The following EXT1 variants were observed in gnomAD, a reference collection of about 807,000 sequenced individuals.
EXT1 encodes exostosin-1.
A neutral mutation model predicts 82.5 loss-of-function variants in EXT1; 20 were observed. That is an observed-to-expected ratio of 0.24 (90% CI 0.17 to 0.35). The LOEUF (loss-of-function observed/expected upper bound fraction) is 0.35. EXT1 is among the 10% of genes least tolerant of loss of function. The pLI is 1.00. For synonymous variants in EXT1, 348 were observed against 350.8 expected (o/e 0.99, Z 0.09); for missense variants, 757 against 936.5 (o/e 0.81, Z 2.50).
chr8:117,892,964 A>G (rs1004363435), intron 1 of EXT1, among the ~76,000 whole-genome samples: 1 of 152,234 alleles, frequency 6.6e-6, no homozygotes, highest in African/African-American at 2.4e-5. Flanking sequence ...ACAGAAATCA[A>G]GAACTTGGTT....
chr8:117,902,167 C>A (rs550973679), intron 1 of EXT1, among the ~76,000 whole-genome samples: 1 of 151,992 alleles, frequency 6.6e-6, no homozygotes, highest in African/African-American at 2.4e-5. Context: ...GACAATAACA[C>A]GCATGGAGCT....
At chr8:117,848,078 G>C (rs1812394358) in intron 1 of EXT1, among the ~76,000 whole-genome samples, 1 of 152,134 alleles carries the variant, frequency 6.6e-6, no homozygotes, top group Non-Finnish European at 1.5e-5. Context: ...GGCTGATATA[G>C]CACATTCACA....
intron 1 of EXT1, among the ~76,000 whole-genome samples, chr8:117,897,250 C>T (rs952262170): frequency 1.2e-4 from 19 of 152,230 alleles, no homozygotes; most frequent in African/African-American, 2.4e-5. Flanking sequence ...TCCAGCAGGG[C>T]ACAGAGCGTG....
chr8:117,924,717 T>C (rs1003434775), intron 1 of EXT1, among the ~76,000 whole-genome samples: 1 of 152,206 alleles, frequency 6.6e-6, no homozygotes, highest in African/African-American at 2.4e-5. Context: ...TGGTCCAGTA[T>C]AGTTTGGAAA....
intron 1 of EXT1, among the ~76,000 whole-genome samples, chr8:117,891,876 G>A (rs547117314): frequency 7.8e-5 from 11 of 141,810 alleles, no homozygotes; most frequent in African/African-American, 2.1e-4. Context: ...GCACGATCTC[G>A]GCTCACTGCT....
At chr8:118,071,538 G>T (rs961895170) in intron 1 of EXT1, among the ~76,000 whole-genome samples, 1 of 151,702 alleles carries the variant, frequency 6.6e-6, no homozygotes, top group Non-Finnish European at 1.5e-5. Flanking sequence ...GGGCAGGGGT[G>T]GGGGAGGAGT....
intron 1 of EXT1, among the ~76,000 whole-genome samples, chr8:117,882,441 T>G (rs1762127647): frequency 6.6e-6 from 1 of 152,180 alleles, no homozygotes; most frequent in Non-Finnish European, 1.5e-5. Context: ...TTGAGAGGTG[T>G]CTAGCAGTCC....
rs17476135 is a variant in EXT1, at chr8:117,976,099, A to G, written c.962+133986T>C. 4.1e-3 allele frequency among the ~76,000 whole-genome samples: 627 copies of G among 152,356 alleles called. 5 individuals carry two copies. Among genetic ancestry groups the G allele is most frequent in the African/African-American group, 0.014 (590 of 41,594 alleles). On this transcript the variant is annotated intron_variant, in intron 1 of 10. Coordinates refer to ENST00000378204, the MANE Select transcript of EXT1 (RefSeq NM_000127.3). ...CATTTATCTCAGAATAAAGAACTTAAGCAAATGTACACATGAGCTATTTAG... is the reference window on the plus strand; with the variant it reads ...CATTTATCTCAGAATAAAGAACTTAGGCAAATGTACACATGAGCTATTTAG...
rs28357264 is a variant in EXT1, at chr8:117,879,332, G to A, written c.963-42131C>T. On this transcript the variant is annotated intron_variant, in intron 1 of 10. Coordinates refer to ENST00000378204, the MANE Select transcript of EXT1 (RefSeq NM_000127.3). ...TCCCCAGACCAGTAGCACACAGAAC[G>A]TAAAGTGAAACAAAAACAGAGCCTG... Among the ~76,000 whole-genome samples the A allele has an allele frequency of 1.7e-3, 252 of 152,002 alleles. 1 individual carries two copies. The East Asian group carries it at 0.02, about 12-fold the overall frequency.
intron 1 of EXT1, among the ~76,000 whole-genome samples, chr8:117,926,060 A>G (rs925517603): frequency 6.6e-6 from 1 of 152,254 alleles, no homozygotes; most frequent in Non-Finnish European, 1.5e-5. Context: ...TCAAGTCCAT[A>G]GAAGAGACCG....
chr8:117,847,198 T>C (rs939123814), intron 1 of EXT1, among the ~76,000 whole-genome samples: 3 of 152,168 alleles, frequency 2.0e-5, no homozygotes, highest in Non-Finnish European at 4.4e-5. Flanking sequence ...AGCAAGAAGA[T>C]AACAAAGATA....
intron 1 of EXT1, among the ~76,000 whole-genome samples, chr8:117,918,020 G>C (rs1813787360): frequency 6.6e-6 from 1 of 152,110 alleles, no homozygotes; most frequent in African/African-American, 2.4e-5. Flanking sequence ...GGGGAGTCCT[G>C]TGCCTTTTCC....
chr8:118,011,785 C>T (rs1367862166), intron 1 of EXT1, among the ~76,000 whole-genome samples: 4 of 152,178 alleles, frequency 2.6e-5, no homozygotes, highest in African/African-American at 9.7e-5. Flanking sequence ...CATGACAAGC[C>T]GTTAGTATTC....
intron 1 of EXT1, among the ~76,000 whole-genome samples, chr8:117,884,631 A>T (rs1043640911): frequency 9.9e-5 from 15 of 152,144 alleles, no homozygotes; most frequent in Non-Finnish European, 1.5e-5. Context: ...GCATGCTAGA[A>T]AAAAGCCCCC....
chr8:117,885,307 CA>C (rs1813127151), intron 1 of EXT1, among the ~76,000 whole-genome samples: 1 of 151,970 alleles, frequency 6.6e-6, no homozygotes, highest in Non-Finnish European at 1.5e-5. Context: ...AAGTAAATAT[CA>C]AAAGATGGGA....
At chr8:118,021,120 T>C (rs760555529) in intron 1 of EXT1, among the ~76,000 whole-genome samples, 14 of 152,238 alleles carry the variant, frequency 9.2e-5, no homozygotes, top group Non-Finnish European at 1.8e-4. Flanking sequence ...AAATCATTTA[T>C]TGTGCAAATA....
At chr8:117,946,891 T>C (rs1814400912) in intron 1 of EXT1, among the ~76,000 whole-genome samples, 1 of 152,222 alleles carries the variant, frequency 6.6e-6, no homozygotes, top group Non-Finnish European at 1.5e-5. Context: ...GGCTTCCTTC[T>C]TCCACAATTG....
chr8:117,803,764 T>A (rs994075366), intron 10 of EXT1, among the ~76,000 whole-genome samples: 10 of 152,212 alleles, frequency 6.6e-5, no homozygotes, highest in Non-Finnish European at 1.5e-4. Context: ...ATACCTTTAA[T>A]ACTAAAATTG....
chr8:117,866,422 C>T (rs1177754106), intron 1 of EXT1, among the ~76,000 whole-genome samples: 2 of 152,136 alleles, frequency 1.3e-5, no homozygotes, highest in Non-Finnish European at 2.9e-5. Flanking sequence ...ACATCACAAA[C>T]GTGCTGTAAT....
Sources: gnomAD v4.1 joint callset for allele counts (sites outside exome capture counted in the v4.1 genomes callset) on GRCh38, gnomAD v4.1.1 for gene constraint, MANE v1.5 for transcripts, NCBI Gene and HGNC (gene_info 2026-07-23, HGNC 2026-07-21) for gene names.